Variants in AOPEP observed in about 807,000 individuals in gnomAD.
AOPEP encodes the protein aminopeptidase O.
Under a neutral mutation model 98.1 loss-of-function variants are expected in AOPEP, and 77 were observed. The observed-to-expected ratio is 0.78, with a 90% CI of 0.65 to 0.95. The LOEUF is 0.95. Ranked by LOEUF, AOPEP falls within the 40% of genes least tolerant of loss-of-function variation. The pLI is 0.00. For synonymous variants in AOPEP, 346 were observed against 365.3 expected, an observed-to-expected ratio of 0.95 and a Z score of 0.60; for missense variants, 1,024 against 1,024.7, an observed-to-expected ratio of 1.00 and a Z score of 0.01.
intron 5 of AOPEP, among the ~76,000 whole-genome samples, chr9:94,806,178 C>T (rs1368707996): frequency 1.3e-5 from 2 of 152,166 alleles, no homozygotes; most frequent in African/African-American, 4.8e-5. Context: ...ATTAGTATGC[C>T]TTTGAATTCA....
chr9:95,074,273 G>A, intron 14 of AOPEP, among the ~76,000 whole-genome samples: 1 of 152,158 alleles, frequency 6.6e-6, no homozygotes, highest in African/African-American at 2.4e-5. Flanking sequence ...ACCATTACTT[G>A]GATTCCTTGA....
In AOPEP at chr9:95,082,821, A is replaced by G. The variant is rs1206794621; in HGVS notation, c.*4+102A>G. On this transcript the variant is annotated intron_variant, in intron 16 of 16. Coordinates refer to ENST00000375315, the MANE Select transcript of AOPEP (RefSeq NM_001193329.3). ...CGAATAGTTAGCCAAGACTACCCGC[A>G]GCATCAATAGTCGGCTCCCTGGCCC... The G allele has an allele frequency of 5.2e-6, 7 of 1,342,938 alleles. No homozygotes were observed. In the Admixed American group the frequency reaches 1.1e-4, roughly 22 times the overall value. The allele number at this position is 1,342,938 out of a possible 1,614,324, so 83.2% of individuals were successfully genotyped here. A position where few individuals can be genotyped will look rare whatever the true frequency, so the allele number is the denominator to read the frequency against.
chr9:94,872,272 T>A (rs1468275575), intron 5 of AOPEP, among the ~76,000 whole-genome samples: 1 of 152,162 alleles, frequency 6.6e-6, no homozygotes, highest in Admixed American at 6.5e-5. Flanking sequence ...TAGTCATTCT[T>A]CAGTCGTGTT....
intron 9 of AOPEP, among the ~76,000 whole-genome samples, chr9:94,966,671 T>C (rs2059219931): frequency 6.6e-6 from 1 of 152,224 alleles, no homozygotes; most frequent in African/African-American, 2.4e-5. Flanking sequence ...AGGTTGACAC[T>C]AGGATTACAC....
At chr9:95,059,973 C>G (rs1432179278) in intron 13 of AOPEP, among the ~76,000 whole-genome samples, 2 of 152,214 alleles carry the variant, frequency 1.3e-5, no homozygotes, top group Non-Finnish European at 2.9e-5. Context: ...CTCTTCATTT[C>G]TTGTATTTCA....
the AOPEP span, among the ~76,000 whole-genome samples, chr9:95,121,263 C>T: frequency 1.3e-5 from 2 of 152,180 alleles, no homozygotes; most frequent in African/African-American, 4.8e-5. Context: ...ACACCCATTT[C>T]AATTTCTGCC....
At chr9:95,042,358 A>AC in intron 13 of AOPEP, among the ~76,000 whole-genome samples, 4 of 149,938 alleles carry the variant, frequency 2.7e-5, no homozygotes, top group African/African-American at 1.0e-4. Context: ...ATACATAAAT[A>AC]AATAAATAAA....
At chr9:94,868,999 C>A (rs1375313552) in intron 5 of AOPEP, among the ~76,000 whole-genome samples, 1 of 152,100 alleles carries the variant, frequency 6.6e-6, no homozygotes, top group Non-Finnish European at 1.5e-5. Context: ...GAGGCCAGTG[C>A]AGGTGGATCA....
chr9:95,119,304 T>C, the AOPEP span, among the ~76,000 whole-genome samples: 1 of 152,200 alleles, frequency 6.6e-6, no homozygotes, highest in African/African-American at 2.4e-5. Context: ...TGTATACATA[T>C]ATTACAAATA....
chr9:94,762,997 A>G (rs1272258267), intron 2 of AOPEP: 1 of 272,252 alleles, frequency 3.7e-6, no homozygotes, highest in Non-Finnish European at 7.9e-6. Flanking sequence ...TCCACGGGAC[A>G]GAGTCTGTCT....
At chr9:94,728,239 G>GCGCGCGCGCGCGCA (rs113657409) in intron 1 of AOPEP, among the ~76,000 whole-genome samples, 11 of 146,604 alleles carry the variant, frequency 7.5e-5, no homozygotes, top group Admixed American at 2.1e-4. Flanking sequence ...GTGCGCGCAT[G>GCGCGCGCGCGCGCA]CACACACACA....
At chr9:94,936,027 G>A (rs1361109638) in intron 7 of AOPEP, among the ~76,000 whole-genome samples, 1 of 152,108 alleles carries the variant, frequency 6.6e-6, no homozygotes, top group Non-Finnish European at 1.5e-5. Context: ...CATCTCCTAA[G>A]GATTTCCTCA....
At chr9:95,141,765 T>C in the AOPEP span, among the ~76,000 whole-genome samples, 1 of 152,078 alleles carries the variant, frequency 6.6e-6, no homozygotes, top group South Asian at 2.1e-4. Flanking sequence ...AAGCATAAAT[T>C]AGGTTCTTCT....
chr9:95,074,211 C>A (rs1035452896), intron 14 of AOPEP, among the ~76,000 whole-genome samples: 23 of 152,190 alleles, frequency 1.5e-4, no homozygotes, highest in African/African-American at 5.5e-4. Context: ...CACAGACATA[C>A]CCCGTCCTCC....
chr9:95,045,222 T>G (rs1488355919), intron 13 of AOPEP, among the ~76,000 whole-genome samples: 1 of 152,110 alleles, frequency 6.6e-6, no homozygotes, highest in East Asian at 1.9e-4. Context: ...GACGACAGGT[T>G]TTAAAGAGGG....
At chr9:95,107,739 A>AAC in the AOPEP span, among the ~76,000 whole-genome samples, 34 of 151,896 alleles carry the variant, frequency 2.2e-4, no homozygotes, top group Admixed American at 1.7e-3. Context: ...GGTCGGGGGG[A>AAC]ACACACACAC....
At chr9:94,928,239 G>A (rs1011341735) in intron 6 of AOPEP, among the ~76,000 whole-genome samples, 186 bp from the exon 7 acceptor site, 12 of 152,200 alleles carry the variant, frequency 7.9e-5, no homozygotes, top group Admixed American at 5.9e-4. Flanking sequence ...ACAAGCGAGC[G>A]TGCACGGTTG....
chr9:94,750,980 C>T (rs1304629537), intron 1 of AOPEP, among the ~76,000 whole-genome samples: 2 of 151,988 alleles, frequency 1.3e-5, no homozygotes, highest in Non-Finnish European at 2.9e-5. Flanking sequence ...ATCTCCTGAC[C>T]TCGTGATCCG....
rs55770541 is a variant in AOPEP at position 94,800,652 on chromosome 9, G to C, written c.1119-105G>C. ...ATGAGCAGTCTTTGCTTGTGAGTCT[G>C]TCTGAACCTCTGTCTCCTAAAAGTT... On this transcript the variant is annotated intron_variant, in intron 4 of 16. Coordinates refer to ENST00000375315, the MANE Select transcript of AOPEP (RefSeq NM_001193329.3). The C allele has an allele frequency of 9.0e-3, 10,749 of 1,197,272 alleles. 140 individuals carry two copies. Among genetic ancestry groups the C allele is most frequent in the East Asian group, 0.043 (1,821 of 42,758 alleles). 74.2% of individuals were successfully genotyped at this position (1,197,272 alleles called of 1,614,324 possible).
Sources: gnomAD v4.1 joint callset for allele counts (sites outside exome capture counted in the v4.1 genomes callset) on GRCh38, gnomAD v4.1.1 for gene constraint, MANE v1.5 for transcripts, NCBI Gene and HGNC (gene_info 2026-07-23, HGNC 2026-07-21) for gene names.